Variants in GALNT12 observed in about 807,000 individuals in gnomAD.
GALNT12 encodes the protein UDP-GalNAc:polypeptide N-acetylgalactosaminyltransferase 12.
GALNT12 carries 45 observed loss-of-function variants against 55.5 expected under a neutral mutation model. The observed-to-expected ratio is 0.81, with a 90% CI of 0.64 to 1.04. The LOEUF is 1.04. Ranked by LOEUF, GALNT12 falls within the 50% of genes least tolerant of loss-of-function variation. GALNT12 has a pLI of 0.00. For missense variants in GALNT12, 709 were observed against 754.8 expected (o/e 0.94, Z 0.71); for synonymous variants, 304 against 312.2 (o/e 0.97, Z 0.28).
chr9:98,846,698 T>TA (rs11389146), intron 9 of GALNT12, among the ~76,000 whole-genome samples: 112,591 of 148,548 alleles, frequency 0.76, 42,772 homozygotes, highest in East Asian at 0.99. Context: ...CATCTCTACT[T>TA]AAAAAAAAAA....
intron 2 of GALNT12, among the ~76,000 whole-genome samples, chr9:98,824,913 T>C (rs1023410955): frequency 4.6e-5 from 7 of 152,292 alleles, no homozygotes; most frequent in African/African-American, 1.7e-4. Context: ...AATCTCTCCG[T>C]GTGGACATTG....
rs142631672 is a variant in GALNT12 at position 98,811,192 on chromosome 9, T to A, written c.371+3123T>A. On this transcript the variant is annotated intron_variant, in intron 1 of 9. Transcript: ENST00000375011. Reference sequence around the variant, plus strand: ...GAGTCAGAAGATTTAGGGTGAGTGTTTTGGAGGGTGTGGAGAATACCAGAA... The same window carrying A: ...GAGTCAGAAGATTTAGGGTGAGTGTATTGGAGGGTGTGGAGAATACCAGAA... Among the ~76,000 whole-genome samples, 221 of 152,174 alleles carry A rather than the reference T, an allele frequency of 1.5e-3. 1 individual carries two copies. The highest frequency in any genetic ancestry group is 2.6e-3 in the Non-Finnish European group (180 of 68,018).
At chr9:98,818,041 C>T (rs1835653931) in intron 1 of GALNT12, among the ~76,000 whole-genome samples, 2 of 152,098 alleles carry the variant, frequency 1.3e-5, no homozygotes, top group Non-Finnish European at 2.9e-5. Flanking sequence ...CACTTTTTCT[C>T]TTTCTGTATG....
At chr9:98,821,489 G>A (rs894175680) in intron 1 of GALNT12, among the ~76,000 whole-genome samples, 4 of 151,948 alleles carry the variant, frequency 2.6e-5, no homozygotes, top group South Asian at 2.1e-4. Context: ...GCCGGGTGTG[G>A]TGGCAGGCAC....
chr9:98,838,313 C>T (rs1836205088), intron 6 of GALNT12, among the ~76,000 whole-genome samples: 1 of 152,240 alleles, frequency 6.6e-6, no homozygotes, highest in South Asian at 2.1e-4. Context: ...GCCAGCCTAA[C>T]AGATGTCTAT....
rs149575355 is a variant in GALNT12 at position 98,809,822 on chromosome 9, T to C, written c.371+1753T>C. Reference sequence around the variant, plus strand: ...TTGTGAATATCTCTTTGAAACACTGTGGACAATCTGTGGGGCTTATGGTAA... The same window carrying C: ...TTGTGAATATCTCTTTGAAACACTGCGGACAATCTGTGGGGCTTATGGTAA... On this transcript the variant is annotated intron_variant, in intron 1 of 9. Coordinates refer to ENST00000375011, the MANE Select transcript of GALNT12 (RefSeq NM_024642.5). 2.0e-5 allele frequency among the ~76,000 whole-genome samples: 3 copies of C among 152,324 alleles called. No individual in the cohort carries two copies. The East Asian group carries it at 5.8e-4, about 29-fold the overall frequency.
chr9:98,832,896 A>C (rs1836036962), intron 4 of GALNT12, among the ~76,000 whole-genome samples: 1 of 152,116 alleles, frequency 6.6e-6, no homozygotes, highest in Non-Finnish European at 1.5e-5. Context: ...TCCTTTGGTT[A>C]TTGTTAAATA....
intron 1 of GALNT12, among the ~76,000 whole-genome samples, chr9:98,812,040 G>A (rs1835507109): frequency 6.6e-6 from 1 of 152,178 alleles, no homozygotes; most frequent in South Asian, 2.1e-4. Context: ...GGTTGCAGAA[G>A]GGAGTAGGAC....
chr9:98,815,001 G>T (rs571760348), intron 1 of GALNT12, among the ~76,000 whole-genome samples: 33 of 152,202 alleles, frequency 2.2e-4, no homozygotes, highest in Non-Finnish European at 4.4e-5. Context: ...ATGATTGTGT[G>T]CTGTGATGTA....
chr9:98,841,296 A>G (rs764874387), intron 7 of GALNT12, among the ~76,000 whole-genome samples: 1 of 152,106 alleles, frequency 6.6e-6, no homozygotes, highest in Admixed American at 6.5e-5. Context: ...TAAAGGTTTG[A>G]TTAGAGTCAG....
At chr9:98,837,626 C>CA (rs1588454323) in intron 6 of GALNT12, among the ~76,000 whole-genome samples, 2 of 152,290 alleles carry the variant, frequency 1.3e-5, no homozygotes, top group East Asian at 1.9e-4. Flanking sequence ...CATTTAGGAA[C>CA]ACTAGGTAGC....
chr9:98,808,168 A>G (rs906827215), intron 1 of GALNT12, 99 bp downstream of exon 1: 23 of 945,360 alleles, frequency 2.4e-5, no homozygotes, highest in Non-Finnish European at 3.3e-5. Flanking sequence ...GGTCTCCAGG[A>G]TGGCGCGTCT....
intron 8 of GALNT12, among the ~76,000 whole-genome samples, chr9:98,845,000 C>T (rs562164954): frequency 3.3e-5 from 5 of 152,286 alleles, no homozygotes; most frequent in Admixed American, 1.3e-4. Context: ...TTTTTCCAAT[C>T]TGGATTCACC....
intron 4 of GALNT12, among the ~76,000 whole-genome samples, chr9:98,832,729 A>T (rs1403438228): frequency 6.6e-6 from 1 of 152,116 alleles, no homozygotes; most frequent in Non-Finnish European, 1.5e-5. Flanking sequence ...GTGGAATCAT[A>T]CAATATTTGT....
chr9:98,829,153 TTATCTATCTATCTATC>T lies in GALNT12; in HGVS notation c.731+2250_731+2265del, dbSNP rs57899489. ...CCAGTCATACTCTTAGTAATTTTTT[TTATCTATCTATCTATC>T]TATCTATCTATCTATCTATCTATCT... On this transcript the variant is annotated intron_variant, in intron 3 of 9. Coordinates refer to ENST00000375011, the MANE Select transcript of GALNT12 (RefSeq NM_024642.5). Among the ~76,000 whole-genome samples the T allele has an allele frequency of 8.6e-3, 1,225 of 141,972 alleles. 21 individuals are homozygous for T. The highest frequency in any genetic ancestry group is 0.031 in the Admixed American group (436 of 13,996). 93.1% of individuals were successfully genotyped at this position (141,972 alleles called of 152,430 possible).
chr9:98,849,138 G>T lies in GALNT12; in HGVS notation c.*46G>T. 1 of 1,608,154 alleles carries T rather than the reference G, an allele frequency of 6.2e-7. No individual in the cohort carries two copies. Among genetic ancestry groups the T allele is most frequent in the Non-Finnish European group, 8.5e-7 (1 of 1,175,206 alleles). ...CCATCGAAGGAGACTGTGGAGCCAGGACTCTGCCCAACAAAGACTTAGCTA... is the reference window on the plus strand; with the variant it reads ...CCATCGAAGGAGACTGTGGAGCCAGTACTCTGCCCAACAAAGACTTAGCTA... On this transcript the variant is annotated 3_prime_UTR_variant, in exon 10 of 10. Coordinates refer to ENST00000375011, the MANE Select transcript of GALNT12 (RefSeq NM_024642.5).
chr9:98,843,656 C>T (rs1198382378), intron 7 of GALNT12, among the ~76,000 whole-genome samples: 2 of 152,206 alleles, frequency 1.3e-5, no homozygotes, highest in Non-Finnish European at 2.9e-5. Flanking sequence ...ATCCACCTGC[C>T]TCCGTCTCCC....
chr9:98,839,374 C>T (rs1319907487), intron 6 of GALNT12, among the ~76,000 whole-genome samples: 1 of 152,202 alleles, frequency 6.6e-6, no homozygotes, highest in Non-Finnish European at 1.5e-5. Flanking sequence ...AATATTTCTG[C>T]ACTCAGCATT....
intron 1 of GALNT12, among the ~76,000 whole-genome samples, chr9:98,813,894 A>C (rs1835553279): frequency 6.6e-6 from 1 of 152,194 alleles, no homozygotes; most frequent in African/African-American, 2.4e-5. Flanking sequence ...ATGTTGCCAG[A>C]AGTAGAAGTC....
Sources: gnomAD v4.1 joint callset for allele counts (sites outside exome capture counted in the v4.1 genomes callset) on GRCh38, gnomAD v4.1.1 for gene constraint, MANE v1.5 for transcripts, NCBI Gene and HGNC (gene_info 2026-07-23, HGNC 2026-07-21) for gene names.